Variants in DPH6 observed in about 807,000 individuals in gnomAD.
DPH6 encodes the protein diphthine--ammonia ligase.
DPH6 carries 33 observed loss-of-function variants against 38.2 expected under a neutral mutation model. That is an observed-to-expected ratio of 0.86 (90% confidence interval 0.65 to 1.15). The LOEUF (loss-of-function observed/expected upper bound fraction) is 1.15, where lower values mean the gene tolerates loss of function less well. Ranked by LOEUF, DPH6 falls within the 50% of genes most tolerant of loss-of-function variation. The pLI, the probability that DPH6 is intolerant of heterozygous loss-of-function variation, is 0.00. For synonymous variants in DPH6, 108 were observed against 103.0 expected (o/e 1.05, Z -0.30); for missense variants, 325 against 320.0 (o/e 1.02, Z -0.12).
In DPH6 at chr15:35,486,964, GC is replaced by G. The variant is rs113068379; in HGVS notation, c.313-32145del. Among the ~76,000 whole-genome samples, 992 of 152,256 alleles carry G rather than the reference GC, an allele frequency of 6.5e-3. 18 individuals carry two copies. The highest frequency in any genetic ancestry group is 0.023 in the African/African-American group (955 of 41,528). On this transcript the variant is annotated intron_variant, in intron 3 of 8. Transcript: ENST00000256538. ...ATTGGCTCAAACCAAGGGCCTACAA[GC>G]CCCATGCAAGTCTGAAACCCGGCAG... is the stretch of plus-strand genomic sequence containing the variant.
At chr15:35,323,699 C>G (rs151010533) in intron 3 of DPH6, among the ~76,000 whole-genome samples, 1 of 152,148 alleles carries the variant, frequency 6.6e-6, no homozygotes, top group Non-Finnish European at 1.5e-5. Flanking sequence ...ATTCTGCCAT[C>G]AAATTGCTTT....
chr15:35,352,974 A>T lies in DPH6; in HGVS notation n.207+20547T>A, dbSNP rs1382395862. On this transcript the variant is annotated intron_variant and non_coding_transcript_variant, in intron 3 of 3. Coordinates refer to the DPH6 transcript ENST00000558973. ...CCTGACTTTTCAATGATCGCCATTC[A>T]AACTGGTGTGAGATGGTATCTCATT... 5.9e-5 allele frequency among the ~76,000 whole-genome samples: 9 copies of T among 152,262 alleles called. No individual in the cohort carries two copies. In the East Asian group the frequency reaches 9.6e-4, roughly 16 times the overall value.
chr15:35,541,340 C>T (rs1180514749), intron 2 of DPH6, among the ~76,000 whole-genome samples: 2 of 152,098 alleles, frequency 1.3e-5, no homozygotes, highest in Admixed American at 1.3e-4. Flanking sequence ...ACCTGTCCAC[C>T]AATCAACCTT....
At chr15:35,159,233 T>C in the DPH6 span, among the ~76,000 whole-genome samples, 1 of 152,078 alleles carries the variant, frequency 6.6e-6, no homozygotes, top group Non-Finnish European at 1.5e-5. Context: ...GTACTCTGCG[T>C]TTTCTTTCTT....
At chr15:35,338,054 A>T (rs565834240) in intron 3 of DPH6, among the ~76,000 whole-genome samples, 1 of 151,966 alleles carries the variant, frequency 6.6e-6, no homozygotes, top group Non-Finnish European at 1.5e-5. Context: ...AGACTTAAAC[A>T]TTAGACCTAA....
intron 6 of DPH6, among the ~76,000 whole-genome samples, chr15:35,390,462 A>G (rs1426401847): frequency 5.3e-5 from 8 of 151,358 alleles, no homozygotes; most frequent in South Asian, 2.1e-4. Flanking sequence ...CATTCTCCCC[A>G]TCACTTTCAG....
chr15:35,482,126 G>C (rs1177661889), intron 3 of DPH6, among the ~76,000 whole-genome samples: 1 of 152,106 alleles, frequency 6.6e-6, no homozygotes, highest in Non-Finnish European at 1.5e-5. Flanking sequence ...ATTTGAAGTG[G>C]GACCAGAAAA....
At chr15:35,265,845 C>T (rs1170533527) in intron 3 of DPH6, among the ~76,000 whole-genome samples, 2 of 152,056 alleles carry the variant, frequency 1.3e-5, no homozygotes, top group Admixed American at 1.3e-4. Context: ...ATAGTCATGG[C>T]GTAGCAGTAT....
intron 3 of DPH6, chr15:35,237,921 T>G: frequency 7.2e-7 from 1 of 1,395,250 alleles, no homozygotes. Context: ...GAGGAGGACG[T>G]GAGTGGAGAG....
intron 6 of DPH6, among the ~76,000 whole-genome samples, chr15:35,389,247 T>A (rs371018184): frequency 5.9e-5 from 9 of 152,138 alleles, no homozygotes; most frequent in Non-Finnish European, 1.2e-4. Flanking sequence ...TGCTGAGGAG[T>A]GCTTTACTTC....
At chr15:35,347,320 CTGTT>C (rs1040745055) in intron 3 of DPH6, among the ~76,000 whole-genome samples, 40 of 152,050 alleles carry the variant, frequency 2.6e-4, no homozygotes, top group African/African-American at 1.7e-4. Context: ...ACAGAATTGC[CTGTT>C]TGTTTGTTTG....
chr15:35,191,466 C>T, the DPH6 span, among the ~76,000 whole-genome samples: 1 of 152,138 alleles, frequency 6.6e-6, no homozygotes, highest in Non-Finnish European at 1.5e-5. Context: ...CTCCATTTCA[C>T]AAATGATATA....
intron 3 of DPH6, chr15:35,298,229 G>T: frequency 3.9e-6 from 2 of 508,456 alleles, no homozygotes. Context: ...GAGATGACTT[G>T]TGCTCTAGTT....
intron 3 of DPH6, among the ~76,000 whole-genome samples, chr15:35,343,558 T>C (rs1194603554): frequency 6.6e-6 from 1 of 152,076 alleles, no homozygotes; most frequent in Non-Finnish European, 1.5e-5. Flanking sequence ...TTATTTCCTA[T>C]TATATATTGC....
At chr15:35,447,014 G>A (rs770312145) in intron 5 of DPH6, among the ~76,000 whole-genome samples, 8 of 151,890 alleles carry the variant, frequency 5.3e-5, no homozygotes, top group East Asian at 3.9e-4. Flanking sequence ...GACTACAGGC[G>A]TCCACCACCA....
intron 3 of DPH6, chr15:35,490,046 C>T: frequency 2.0e-6 from 2 of 985,356 alleles, no homozygotes; most frequent in Non-Finnish European, 2.4e-6. Flanking sequence ...CACCCCAAGG[C>T]TACAAGACTA....
intron 3 of DPH6, among the ~76,000 whole-genome samples, chr15:35,353,058 T>C (rs1254565904): frequency 6.6e-6 from 1 of 152,256 alleles, no homozygotes; most frequent in African/African-American, 2.4e-5. Context: ...CTCATGTCTT[T>C]TGGCTGCATA....
intron 3 of DPH6, among the ~76,000 whole-genome samples, chr15:35,478,370 C>T (rs943080377): frequency 2.3e-4 from 6 of 26,138 alleles, no homozygotes; most frequent in Non-Finnish European, 1.3e-3. Context: ...CACACATACA[C>T]ACACACACAC....
intron 3 of DPH6, among the ~76,000 whole-genome samples, chr15:35,486,910 G>C (rs535768910): frequency 1.8e-4 from 28 of 152,290 alleles, no homozygotes; most frequent in Non-Finnish European, 3.4e-4. Context: ...ACAGGCATTG[G>C]GTAAATGCTC....
Sources: gnomAD v4.1 joint callset for allele counts (sites outside exome capture counted in the v4.1 genomes callset) on GRCh38, gnomAD v4.1.1 for gene constraint, MANE v1.5 for transcripts, NCBI Gene and HGNC (gene_info 2026-07-23, HGNC 2026-07-21) for gene names.